The following MAGI1 variants were observed in gnomAD, a reference collection of about 807,000 sequenced individuals.
MAGI1 encodes membrane associated guanylate kinase, WW and PDZ domain containing 1.
A neutral mutation model predicts 139.9 loss-of-function variants in MAGI1; 58 were observed. That is an observed-to-expected ratio of 0.41 (90% confidence interval 0.34 to 0.52). The LOEUF (loss-of-function observed/expected upper bound fraction) is 0.52. MAGI1 is among the 20% of genes least tolerant of loss of function. The probability of loss-of-function intolerance (pLI) is 0.12; values close to 1 mark genes in which losing one functional copy is unlikely to be tolerated. For synonymous variants in MAGI1, 812 were observed against 737.9 expected, an observed-to-expected ratio of 1.10 and a Z score of -1.63; for missense variants, 1,874 against 1,901.6, an observed-to-expected ratio of 0.99 and a Z score of 0.27.
At chr3:65,948,577 A>C (rs2063651206) in intron 1 of MAGI1, among the ~76,000 whole-genome samples, 1 of 152,214 alleles carries the variant, frequency 6.6e-6, no homozygotes, top group African/African-American at 2.4e-5. Context: ...AATTTTGGAA[A>C]GTTCAGTAGG....
chr3:65,808,380 T>A (rs1478830638), intron 1 of MAGI1, among the ~76,000 whole-genome samples: 2 of 151,890 alleles, frequency 1.3e-5, no homozygotes, highest in East Asian at 3.9e-4. Context: ...ACTCCTGTAA[T>A]CCCAGCTACT....
intron 1 of MAGI1, among the ~76,000 whole-genome samples, chr3:65,666,255 C>A (rs1393631310): frequency 6.6e-6 from 1 of 152,138 alleles, no homozygotes; most frequent in East Asian, 1.9e-4. Flanking sequence ...ATCTTAGTAG[C>A]CAGGGCACTG....
chr3:65,529,252 T>G (rs1363709487), intron 2 of MAGI1, among the ~76,000 whole-genome samples: 4 of 152,194 alleles, frequency 2.6e-5, no homozygotes, highest in African/African-American at 9.6e-5. Context: ...CAATTTTAAA[T>G]TGTATAATTC....
intron 1 of MAGI1, among the ~76,000 whole-genome samples, chr3:65,865,876 G>T (rs1226001391): frequency 6.6e-6 from 1 of 152,186 alleles, no homozygotes; most frequent in African/African-American, 2.4e-5. Context: ...CTGACCTCAG[G>T]TGATCCACCC....
intron 10 of MAGI1, among the ~76,000 whole-genome samples, chr3:65,431,712 T>TGTG (rs1480921282): frequency 2.0e-5 from 3 of 151,592 alleles, no homozygotes; most frequent in Non-Finnish European, 4.4e-5. Flanking sequence ...AGGCTGGGGG[T>TGTG]GTGGTGGCTC....
At chr3:65,831,295 A>G (rs545904809) in intron 1 of MAGI1, among the ~76,000 whole-genome samples, 1 of 152,340 alleles carries the variant, frequency 6.6e-6, no homozygotes, top group Non-Finnish European at 1.5e-5. Flanking sequence ...TCTGAGGAAG[A>G]TGAACAGGGC....
intron 1 of MAGI1, among the ~76,000 whole-genome samples, chr3:65,762,132 C>G (rs2037082669): frequency 6.6e-6 from 1 of 152,060 alleles, no homozygotes; most frequent in African/African-American, 2.4e-5. Context: ...CTGCATTTCA[C>G]TAGGTATAAG....
At chr3:65,474,583 A>G (rs1191520377) in intron 4 of MAGI1, among the ~76,000 whole-genome samples, 2 of 151,152 alleles carry the variant, frequency 1.3e-5, no homozygotes, top group African/African-American at 2.4e-5. Flanking sequence ...ATTTTTATTA[A>G]TAGTAAATCA....
chr3:65,601,549 C>G (rs2082482621), intron 2 of MAGI1, among the ~76,000 whole-genome samples: 1 of 152,020 alleles, frequency 6.6e-6, no homozygotes, highest in South Asian at 2.1e-4. Context: ...GTAGAAAATT[C>G]AACAGTGTTG....
At chr3:65,901,696 G>A (rs954541671) in intron 1 of MAGI1, among the ~76,000 whole-genome samples, 3 of 151,956 alleles carry the variant, frequency 2.0e-5, no homozygotes, top group South Asian at 2.1e-4. Context: ...AAGTTATATC[G>A]GGGCTCTGGT....
intron 2 of MAGI1, among the ~76,000 whole-genome samples, chr3:65,510,041 C>T (rs1416173937): frequency 2.0e-5 from 3 of 152,038 alleles, no homozygotes; most frequent in Admixed American, 2.0e-4. Flanking sequence ...CCAGCAGGGG[C>T]ACACTGACAC....
At chr3:65,713,098 G>T (rs2031710054) in intron 1 of MAGI1, among the ~76,000 whole-genome samples, 1 of 152,222 alleles carries the variant, frequency 6.6e-6, no homozygotes, top group South Asian at 2.1e-4. Context: ...AGAGAGAATA[G>T]CTTTCCAGGC....
At chr3:65,619,303 G>C (rs569623687) in intron 2 of MAGI1, among the ~76,000 whole-genome samples, 2 of 152,290 alleles carry the variant, frequency 1.3e-5, no homozygotes, top group South Asian at 2.1e-4. Flanking sequence ...AGAGAATTAA[G>C]ATAAACTGAG....
At chr3:65,915,411 C>T (rs556020520) in intron 1 of MAGI1, among the ~76,000 whole-genome samples, 7 of 152,362 alleles carry the variant, frequency 4.6e-5, no homozygotes, top group African/African-American at 7.2e-5. Flanking sequence ...AATTCACACC[C>T]GTTCAAGTTA....
intron 2 of MAGI1, among the ~76,000 whole-genome samples, chr3:65,510,093 CCTGT>C (rs1000324382): frequency 1.8e-4 from 27 of 152,232 alleles, no homozygotes; most frequent in African/African-American, 6.5e-4. Flanking sequence ...AGCTGAGGGT[CCTGT>C]CTGTTAGAAG....
At chr3:65,748,523 G>A (rs1201009645) in intron 1 of MAGI1, among the ~76,000 whole-genome samples, 1 of 152,200 alleles carries the variant, frequency 6.6e-6, no homozygotes, top group Non-Finnish European at 1.5e-5. Flanking sequence ...CAAAGGATAA[G>A]AATTTGCAGC....
At chr3:65,697,013 T>C (rs1459065644) in intron 1 of MAGI1, among the ~76,000 whole-genome samples, 2 of 152,002 alleles carry the variant, frequency 1.3e-5, no homozygotes, top group African/African-American at 4.8e-5. Flanking sequence ...AAGAATCAAA[T>C]AGACACAATG....
At chr3:66,006,512 T>C (rs1008460569) in intron 1 of MAGI1, among the ~76,000 whole-genome samples, 4 of 152,168 alleles carry the variant, frequency 2.6e-5, no homozygotes, top group African/African-American at 9.7e-5. Context: ...TATGTGTCTA[T>C]ACATATACAT....
intron 1 of MAGI1, among the ~76,000 whole-genome samples, chr3:65,846,030 C>T (rs966233982): frequency 6.6e-6 from 1 of 152,142 alleles, no homozygotes; most frequent in Non-Finnish European, 1.5e-5. Context: ...AGCCTCAAAC[C>T]AGTAGTAACA....
Sources: allele counts gnomAD v4.1 joint callset (sites outside exome capture counted in the v4.1 genomes callset), GRCh38; gene constraint gnomAD v4.1.1; transcripts MANE v1.5; gene names NCBI Gene and HGNC (gene_info 2026-07-23, HGNC 2026-07-21).